ZNF462: variants seen among roughly 807,000 people sequenced by gnomAD.
The protein encoded by ZNF462 is zinc finger protein 462, also known as zinc finger PBX1-interacting protein.
Under a neutral mutation model 201.9 loss-of-function variants are expected in ZNF462, and 10 were observed. The observed-to-expected ratio is 0.05, with a 90% CI of 0.03 to 0.08. The LOEUF is 0.08. ZNF462 is among the 10% of genes least tolerant of loss of function. The pLI is 1.00. For synonymous variants in ZNF462, 1,227 were observed against 1,193.3 expected (o/e 1.03, Z -0.58); for missense variants, 2,523 against 3,168.3 (o/e 0.80, Z 4.89).
intron 10 of ZNF462, among the ~76,000 whole-genome samples, chr9:106,985,322 T>C (rs1343509983): frequency 1.3e-5 from 2 of 152,118 alleles, no homozygotes; most frequent in Non-Finnish European, 2.9e-5. Flanking sequence ...ATTATAAGGA[T>C]TGTAAAATAT....
chr9:106,874,899 C>T (rs1564070001), intron 1 of ZNF462, among the ~76,000 whole-genome samples: 1 of 152,188 alleles, frequency 6.6e-6, no homozygotes, highest in Non-Finnish European at 1.5e-5. Flanking sequence ...AATGAATGAA[C>T]ATCACCCATA....
intron 1 of ZNF462, among the ~76,000 whole-genome samples, chr9:106,881,832 A>T (rs941437797): frequency 6.6e-6 from 1 of 152,206 alleles, no homozygotes; most frequent in African/African-American, 2.4e-5. Context: ...AGGGAAGCAA[A>T]GTACCTTACC....
chr9:106,932,057 T>C lies in ZNF462; in HGVS notation c.6013-389T>C, dbSNP rs968280851. Among the ~76,000 whole-genome samples the C allele has an allele frequency of 6.6e-6, 1 of 152,178 alleles. No individual in the cohort carries two copies. Among genetic ancestry groups the C allele is most frequent in the Non-Finnish European group, 1.5e-5 (1 of 68,034 alleles). On this transcript the variant is annotated intron_variant, in intron 4 of 12. Transcript: ENST00000277225. The surrounding 1 kb of genome is among the most constrained non-coding windows in gnomAD (Gnocchi z 6.8). Reference sequence around the variant, plus strand: ...AACAGTAGCAACCTGTGTCCGGGTATGTTGTCCTAAAATCACCTCCACTGC... The same window carrying C: ...AACAGTAGCAACCTGTGTCCGGGTACGTTGTCCTAAAATCACCTCCACTGC...
At chr9:106,957,989 T>A (rs1831657351) in intron 7 of ZNF462, among the ~76,000 whole-genome samples, 2 of 152,114 alleles carry the variant, frequency 1.3e-5, no homozygotes, top group South Asian at 4.1e-4. Flanking sequence ...ATTTGAGATG[T>A]GAATGTACTG....
Position 106,925,652 on chromosome 9 carries a change from A to G in ZNF462, c.1740A>G (p.Thr580=). 2 of 1,613,768 alleles carry G rather than the reference A, an allele frequency of 1.2e-6. No individual in the cohort carries two copies. The highest frequency in any genetic ancestry group is 1.7e-6 in the Non-Finnish European group (2 of 1,179,936). Residue 580 remains threonine (T), a synonymous_variant, in exon 3 of 13, where the codon ACA becomes ACG. Transcript: ENST00000277225. The surrounding 1 kb of genome is among the most constrained non-coding windows in gnomAD (Gnocchi z 7.9). ...ATCAGGTGCCACCCCAGCCACAAACACAGCCACCACCAACGCAGCAGCCAC... is the reference window on the plus strand; with the variant it reads ...ATCAGGTGCCACCCCAGCCACAAACGCAGCCACCACCAACGCAGCAGCCAC... ...PPHQVPPQPQ[T]QPPPTQQPQP...
rs144668305 is a variant in ZNF462 at position 106,982,986 on chromosome 9, G to C, written c.6833-1200G>C. 2.8e-4 allele frequency among the ~76,000 whole-genome samples: 42 copies of C among 152,240 alleles called. 2 individuals are homozygous for C. Among genetic ancestry groups the C allele is most frequent in the Admixed American group, 1.5e-3 (23 of 15,292 alleles). On this transcript the variant is annotated intron_variant, in intron 9 of 12. Coordinates refer to ENST00000277225, the MANE Select transcript of ZNF462 (RefSeq NM_021224.6). Reference sequence around the variant, plus strand: ...TTTCTTGACTTAATAATACATTGCTGTTTCTAAATAATATAAGTATATGTT... The same window carrying C: ...TTTCTTGACTTAATAATACATTGCTCTTTCTAAATAATATAAGTATATGTT...
rs536650302 is a variant in ZNF462, at chr9:106,968,247, T to C, written c.6428-3758T>C. ...AGCTTCAGCTACCTCACTGGTAAAA[T>C]TGAGATGTAAACCCAATTAGACCGC... On this transcript the variant is annotated intron_variant, in intron 7 of 12. Transcript: ENST00000277225. This position sits in a 1 kb window ranked among gnomAD's most constrained non-coding sequence, Gnocchi z 4.0. Among the ~76,000 whole-genome samples, 1 of 152,282 alleles carries C rather than the reference T, an allele frequency of 6.6e-6. No individual in the cohort carries two copies. Among genetic ancestry groups the C allele is most frequent in the South Asian group, 2.1e-4 (1 of 4,822 alleles).
chr9:106,976,287 A>G (rs1279167226), intron 9 of ZNF462: 1 of 152,178 alleles, frequency 6.6e-6, no homozygotes, highest in Admixed American at 6.5e-5. Context: ...CTTGCCTACC[A>G]TGGTAGAAAA....
intron 10 of ZNF462, among the ~76,000 whole-genome samples, chr9:106,998,829 AAACTC>A (rs1156466000): frequency 6.6e-6 from 1 of 151,890 alleles, no homozygotes; most frequent in Non-Finnish European, 1.5e-5. Context: ...GGCTGGTCTC[AAACTC>A]CTGACCTCAA....
At position 106,972,342 on chromosome 9, in the gene ZNF462, C is replaced by T. The variant is rs1352710764; in HGVS notation, c.6695+70C>T. On this transcript the variant is annotated intron_variant, in intron 8 of 12. Coordinates refer to ENST00000277225, the MANE Select transcript of ZNF462 (RefSeq NM_021224.6). The surrounding 1 kb of genome is among the most constrained non-coding windows in gnomAD (Gnocchi z 4.8). ...CTGCTCCACCCCTCACTGCAGGCTT[C>T]CCTTACACTTTCCTACTTGGAGCTT... 8 of 1,548,780 alleles carry T rather than the reference C, an allele frequency of 5.2e-6. No homozygotes were observed. The highest frequency in any genetic ancestry group is 7.0e-6 in the Non-Finnish European group (8 of 1,147,940).
chr9:106,923,307 G>A lies in ZNF462; in HGVS notation c.-30-47G>A. On this transcript the variant is annotated intron_variant, in intron 1 of 12. Transcript: ENST00000277225. This position sits in a 1 kb window ranked among gnomAD's most constrained non-coding sequence, Gnocchi z 5.6. Reference sequence around the variant, plus strand: ...ATATAGCCCCATCAGCTCGAGGTATGTGATTAGTGCATTCCTTAAGATGTT... The same window carrying A: ...ATATAGCCCCATCAGCTCGAGGTATATGATTAGTGCATTCCTTAAGATGTT... 1 of 1,410,408 alleles carries A rather than the reference G, an allele frequency of 7.1e-7. No individual in the cohort carries two copies. Among genetic ancestry groups the A allele is most frequent in the Non-Finnish European group, 1.0e-6 (1 of 998,388 alleles). 87.4% of individuals were successfully genotyped at this position (1,410,408 alleles called of 1,614,324 possible). A position where few individuals can be genotyped will look rare whatever the true frequency, so the allele number is the denominator to read the frequency against.
chr9:106,877,510 C>T (rs1280995775), intron 1 of ZNF462, among the ~76,000 whole-genome samples: 2 of 151,686 alleles, frequency 1.3e-5, no homozygotes, highest in East Asian at 3.9e-4. Flanking sequence ...CCACCTCAGC[C>T]TCCCGAGTAG....
At chr9:106,866,983 C>T (rs1374707926) in intron 1 of ZNF462, among the ~76,000 whole-genome samples, 1 of 152,172 alleles carries the variant, frequency 6.6e-6, no homozygotes, top group East Asian at 1.9e-4. Context: ...AAACATCTGA[C>T]AATCTGGTTG....
rs141672501 is a variant in ZNF462 at position 106,871,798 on chromosome 9, C to T, written c.-31+8443C>T. ...AACGAACGAAGTAGAGAATAGAGCACAGCAGAAAACAGCTGCATTATTAAT... is the reference window on the plus strand; with the variant it reads ...AACGAACGAAGTAGAGAATAGAGCATAGCAGAAAACAGCTGCATTATTAAT... On this transcript the variant is annotated intron_variant, in intron 1 of 12. Coordinates refer to ENST00000277225, the MANE Select transcript of ZNF462 (RefSeq NM_021224.6). Among the ~76,000 whole-genome samples the T allele has an allele frequency of 3.5e-4, 53 of 152,296 alleles. 1 individual carries two copies. The East Asian group carries it at 9.5e-3, about 27-fold the overall frequency.
Position 106,929,012 on chromosome 9 carries a change from C to A in ZNF462, c.5100C>A (p.Ala1700=), listed in dbSNP as rs775818512. The change falls in exon 3 of 13, where the codon GCC becomes GCA. Residue 1700 remains alanine, a synonymous_variant. Coordinates refer to ENST00000277225, the MANE Select transcript of ZNF462 (RefSeq NM_021224.6). The surrounding 1 kb of genome is among the most constrained non-coding windows in gnomAD (Gnocchi z 8.7). ...PEGKNNLFKC[A]LCAYTNPIRK... ...GCAAGAACAACCTCTTCAAGTGTGC[C>A]CTGTGTGCCTACACCAACCCCATCC... 6.2e-6 allele frequency: 10 copies of A among 1,613,890 alleles called. No homozygotes were observed. The highest frequency in any genetic ancestry group is 1.6e-4 in the Middle Eastern group (1 of 6,082).
intron 7 of ZNF462, among the ~76,000 whole-genome samples, chr9:106,941,255 T>C (rs970469824): frequency 3.9e-5 from 6 of 152,184 alleles, no homozygotes; most frequent in African/African-American, 1.4e-4. Context: ...GAAATGAGTA[T>C]AGTATTTTTC....
intron 1 of ZNF462, among the ~76,000 whole-genome samples, chr9:106,900,009 C>A (rs895558191): frequency 6.7e-6 from 1 of 148,298 alleles, no homozygotes; most frequent in Non-Finnish European, 1.5e-5. Flanking sequence ...CTCTTCCCCC[C>A]AAGTCCCCAA....
intron 7 of ZNF462, among the ~76,000 whole-genome samples, chr9:106,943,380 T>C (rs16925965): frequency 0.056 from 8,500 of 152,214 alleles, 502 homozygotes; most frequent in East Asian, 0.16. Flanking sequence ...TTGTCTGTCA[T>C]ATCAAAGTCT....
In ZNF462 at chr9:106,938,642, A is replaced by T. The variant is rs370775138; in HGVS notation, c.6236-274A>T. On this transcript the variant is annotated intron_variant, in intron 6 of 12. Coordinates refer to ENST00000277225, the MANE Select transcript of ZNF462 (RefSeq NM_021224.6). This position sits in a 1 kb window ranked among gnomAD's most constrained non-coding sequence, Gnocchi z 4.4. ...CATGGGCAGTTGGGTTTGACTTCCT[A>T]TTGGGGAATTAATTCATAGCTTCAC... Among the ~76,000 whole-genome samples, 9 of 152,266 alleles carry T rather than the reference A, an allele frequency of 5.9e-5. No individual in the cohort carries two copies. Among genetic ancestry groups the T allele is most frequent in the African/African-American group, 2.2e-4 (9 of 41,552 alleles).
Sources: allele counts gnomAD v4.1 joint callset (sites outside exome capture counted in the v4.1 genomes callset), GRCh38; gene constraint gnomAD v4.1.1; non-coding constraint Gnocchi (gnomAD v3.1); transcripts MANE v1.5; gene names NCBI Gene and HGNC (gene_info 2026-07-23, HGNC 2026-07-21).